PPP4R4: variants seen among roughly 807,000 people sequenced by gnomAD.
PPP4R4 encodes serine/threonine-protein phosphatase 4 regulatory subunit 4.
In PPP4R4, 70 loss-of-function variants were observed where a neutral mutation model predicts 121.8. The ratio of observed to expected loss-of-function variants is 0.57; its 90% CI spans 0.47 to 0.70. PPP4R4 has a LOEUF of 0.70. Ranked by LOEUF, PPP4R4 falls within the 30% of genes least tolerant of loss-of-function variation. The pLI is 0.00. For missense variants in PPP4R4, 875 were observed against 1,033.6 expected (o/e 0.85, Z 2.10); for synonymous variants, 348 against 355.7 (o/e 0.98, Z 0.24).
At chr14:94,179,447 C>T (rs949932093) in intron 2 of PPP4R4, among the ~76,000 whole-genome samples, 3 of 152,148 alleles carry the variant, frequency 2.0e-5, no homozygotes, top group Non-Finnish European at 4.4e-5. Flanking sequence ...ATGGATATAG[C>T]GCTTTTGTTT....
chr14:94,219,124 G>A (rs1240286669), intron 3 of PPP4R4, among the ~76,000 whole-genome samples: 1 of 131,398 alleles, frequency 7.6e-6, no homozygotes, highest in East Asian at 2.3e-4. Context: ...TTGTTGCCCA[G>A]GCTGGAGTGC....
At position 94,278,746 on chromosome 14, in the gene PPP4R4, G is replaced by GT. The variant is rs5810667; in HGVS notation, c.*114dup. ...CTGGGGCTTTGTTTTTAAATTTTGG[G>GT]TTTTTTTTTTTGTTGTTGTTAATGA... On this transcript the variant is annotated 3_prime_UTR_variant, in exon 25 of 25. Transcript: ENST00000304338. 221,511 of 940,892 alleles carry GT rather than the reference G, an allele frequency of 0.24. 7,543 individuals are homozygous for GT. The highest frequency in any genetic ancestry group is 0.48 in the East Asian group (14,472 of 30,000). The allele number at this position is 940,892 out of a possible 1,614,324, so 58.3% of individuals were successfully genotyped here.
In PPP4R4 at chr14:94,250,223, C is replaced by A; in HGVS notation, c.1663C>A (p.Arg555Ser). The change falls in exon 15 of 25, where the codon CGT becomes AGT. Residue 555 changes from arginine (R) to serine (S), a missense_variant. By Grantham distance (110) the Arg-to-Ser change is moderately radical (BLOSUM62 -1). Coordinates refer to ENST00000304338, the MANE Select transcript of PPP4R4 (RefSeq NM_058237.2). ...AASRTLCIFL[R>S]YNRKQEQRHE... ...TTCACGAACTCTATGCATTTTTCTG[C>A]GTTATAATCGTAAACAAGAACAGAG... is the stretch of plus-strand genomic sequence containing the variant. The A allele has an allele frequency of 6.2e-7, 1 of 1,612,022 alleles. No individual in the cohort carries two copies. Among genetic ancestry groups the A allele is most frequent in the Non-Finnish European group, 8.5e-7 (1 of 1,178,638 alleles).
intron 24 of PPP4R4, among the ~76,000 whole-genome samples, chr14:94,276,273 ATGGG>A (rs1566711210): frequency 1.3e-5 from 2 of 152,268 alleles, no homozygotes; most frequent in African/African-American, 4.8e-5. Flanking sequence ...TAGTGAATGC[ATGGG>A]CATTTTTGAA....
chr14:94,220,407 A>C (rs1373221482), intron 3 of PPP4R4, among the ~76,000 whole-genome samples: 1 of 152,208 alleles, frequency 6.6e-6, no homozygotes, highest in Non-Finnish European at 1.5e-5. Context: ...TAGCCAGTAC[A>C]GTAAGGCAAC....
At chr14:94,187,245 G>A (rs1294142048) in intron 2 of PPP4R4, among the ~76,000 whole-genome samples, 4 of 152,074 alleles carry the variant, frequency 2.6e-5, no homozygotes, top group Non-Finnish European at 4.4e-5. Flanking sequence ...GGCAGAGGTT[G>A]CAGTGAGCCA....
At chr14:94,183,523 C>G (rs534518008) in intron 2 of PPP4R4, among the ~76,000 whole-genome samples, 15 of 152,266 alleles carry the variant, frequency 9.9e-5, no homozygotes, top group African/African-American at 3.4e-4. Flanking sequence ...GAGATTGTTT[C>G]CCATCTCTGT....
intron 3 of PPP4R4, among the ~76,000 whole-genome samples, chr14:94,227,002 C>G (rs1053903068): frequency 6.6e-6 from 1 of 152,166 alleles, no homozygotes; most frequent in African/African-American, 2.4e-5. Flanking sequence ...CTATTTCCCT[C>G]TCTGCAAGGA....
intron 16 of PPP4R4, 97 bp downstream of exon 16, chr14:94,251,993 TAAGTC>T (rs1037630552): frequency 3.6e-6 from 4 of 1,109,394 alleles, no homozygotes; most frequent in African/African-American, 3.3e-5. Context: ...ATTAAAAACT[TAAGTC>T]AAGAATTTAC....
Position 94,246,467 on chromosome 14 carries a change from G to A in PPP4R4, c.1539G>A (p.Leu513=). Residue 513 remains leucine (L), a synonymous_variant, in exon 14 of 25, where the codon CTG becomes CTA. Coordinates refer to ENST00000304338, the MANE Select transcript of PPP4R4 (RefSeq NM_058237.2). ...HEKLLQKYAC[L]PHVISSDQIY... is the part of the protein sequence containing the mutation. ...AGCTACTTCAGAAATATGCCTGCCT[G>A]CCACATGTCATATCAAGCGATCAGA... is the stretch of plus-strand genomic sequence containing the variant. 1.2e-6 allele frequency: 2 copies of A among 1,614,038 alleles called. No individual in the cohort carries two copies. Among genetic ancestry groups the A allele is most frequent in the Non-Finnish European group, 1.7e-6 (2 of 1,179,908 alleles).
chr14:94,191,855 T>A (rs75855086), intron 2 of PPP4R4, among the ~76,000 whole-genome samples: 2,920 of 152,252 alleles, frequency 0.019, 90 homozygotes, highest in African/African-American at 0.066. Context: ...TTTTAGGCTG[T>A]CATTTCAGCC....
At chr14:94,230,562 T>C in intron 3 of PPP4R4, 25 bp from the exon 4 acceptor site, 1 of 1,588,426 alleles carries the variant, frequency 6.3e-7, no homozygotes, top group Non-Finnish European at 8.6e-7. Flanking sequence ...TCTATGTAAA[T>C]AGCAAACTCT....
intron 5 of PPP4R4, 84 bp downstream of exon 5, chr14:94,231,399 T>A: frequency 1.7e-6 from 2 of 1,203,216 alleles, no homozygotes; most frequent in Non-Finnish European, 1.2e-6. Context: ...AAATGGTTTT[T>A]AAAAAAGAAA....
rs191646233 is a variant in PPP4R4, at chr14:94,185,668, G to T, written c.191+9541G>T. On this transcript the variant is annotated intron_variant, in intron 2 of 24. Coordinates refer to ENST00000304338, the MANE Select transcript of PPP4R4 (RefSeq NM_058237.2). ...TTTTAAATCATCTGTTTGGGATTAG[G>T]AACATATTTTACTTTGGATATATAG... Among the ~76,000 whole-genome samples the T allele has an allele frequency of 1.5e-3, 226 of 152,246 alleles. 1 individual carries two copies. Among genetic ancestry groups the T allele is most frequent in the African/African-American group, 5.3e-3 (219 of 41,532 alleles).
At chr14:94,258,688 C>T in intron 17 of PPP4R4, 95 bp from the exon 18 acceptor site, 1 of 854,000 alleles carries the variant, frequency 1.2e-6, no homozygotes, top group South Asian at 1.5e-5. Context: ...CAGAAGTCTT[C>T]TATTTGAACC....
chr14:94,242,511 T>A (rs1241051669), intron 11 of PPP4R4, 103 bp downstream of exon 11: 4 of 1,111,786 alleles, frequency 3.6e-6, no homozygotes, highest in Non-Finnish European at 5.0e-6. Context: ...ACTGGATATC[T>A]CTTTCATGTT....
chr14:94,233,801 C>G (rs4905172), intron 6 of PPP4R4, 42 bp downstream of exon 6: 1,215,592 of 1,256,784 alleles, frequency 0.97, 588,089 homozygotes, highest in East Asian at 1. Flanking sequence ...TTATTACATT[C>G]GTTTAAAATG....
Position 94,258,731 on chromosome 14 carries a change from T to G in PPP4R4, c.2011-52T>G. 6 of 1,311,420 alleles carry G rather than the reference T, an allele frequency of 4.6e-6. No individual in the cohort carries two copies. The South Asian group carries it at 7.4e-5, about 16-fold the overall frequency. The allele number at this position is 1,311,420 out of a possible 1,614,324, so 81.2% of individuals were successfully genotyped here. A position where few individuals can be genotyped will look rare whatever the true frequency, so the allele number is the denominator to read the frequency against. On this transcript the variant is annotated intron_variant, in intron 17 of 24. Transcript: ENST00000304338. ...GCAAAATAAGTTGCTGAGAAATGAT[T>G]GGTTGTTTTAATTTAATTACTTTAG...
At chr14:94,198,499 C>T (rs985789494) in intron 2 of PPP4R4, among the ~76,000 whole-genome samples, 1 of 152,016 alleles carries the variant, frequency 6.6e-6, no homozygotes, top group Non-Finnish European at 1.5e-5. Flanking sequence ...TGTAACAGTG[C>T]CTTTGAAAAA....
Sources: gnomAD v4.1 joint callset for allele counts (sites outside exome capture counted in the v4.1 genomes callset) on GRCh38, gnomAD v4.1.1 for gene constraint, MANE v1.5 for transcripts, NCBI Gene and HGNC (gene_info 2026-07-23, HGNC 2026-07-21) for gene names.